Variants in BEND4 observed in about 807,000 individuals in gnomAD.
BEND4 encodes BEN domain containing 4.
A neutral mutation model predicts 54.7 loss-of-function variants in BEND4; 27 were observed. The observed-to-expected ratio is 0.49, with a 90% confidence interval of 0.36 to 0.68. The LOEUF is 0.68. Among genes scored for constraint, BEND4 ranks in the 30% least tolerant of loss-of-function variants. BEND4 has a pLI of 0.00. For missense variants in BEND4, 702 were observed against 697.2 expected, an observed-to-expected ratio of 1.01 and a Z score of -0.08; for synonymous variants, 327 against 299.5, an observed-to-expected ratio of 1.09 and a Z score of -0.95.
intron 3 of BEND4, among the ~76,000 whole-genome samples, chr4:42,131,980 C>T (rs1720522845): frequency 6.6e-6 from 1 of 151,930 alleles, no homozygotes; most frequent in African/African-American, 2.4e-5. Context: ...CCTAGATTTA[C>T]ACAGGGAAGC....
intron 3 of BEND4, among the ~76,000 whole-genome samples, chr4:42,132,821 CATTT>C (rs1161952137): frequency 6.6e-6 from 1 of 152,078 alleles, no homozygotes; most frequent in African/African-American, 2.4e-5. Context: ...TTTACTCATT[CATTT>C]GTCCATTCTA....
At chr4:42,149,608 C>T (rs975403270) in intron 2 of BEND4, among the ~76,000 whole-genome samples, 2 of 152,164 alleles carry the variant, frequency 1.3e-5, no homozygotes, top group African/African-American at 2.4e-5. Context: ...AGCCCCTCTT[C>T]ACTCCTTTAG....
rs951027786 is a variant in BEND4 at position 42,111,287 on chromosome 4, T to C, written c.*6231A>G. On this transcript the variant is annotated 3_prime_UTR_variant, in exon 6 of 6. Transcript: ENST00000502486. ...AGTACAATCAAATAGAAATTATTCATAGAGAATCAACAAGACTCCAACAAT... is the reference window on the plus strand; with the variant it reads ...AGTACAATCAAATAGAAATTATTCACAGAGAATCAACAAGACTCCAACAAT... 7 of 152,314 alleles carry C rather than the reference T, an allele frequency of 4.6e-5. No homozygotes were observed. The highest frequency in any genetic ancestry group is 7.4e-5 in the Non-Finnish European group (5 of 68,026). The allele number at this position is 152,314 out of a possible 1,614,324, so 9.4% of individuals were successfully genotyped here.
At position 42,117,430 on chromosome 4, in the gene BEND4, G is replaced by A. The variant is rs1275336375; in HGVS notation, c.*88C>T. ...ATGTGTAGACTATGGCAGAATGACA[G>A]GCTTTGGACTCTCAGGTGACAGGAA... On this transcript the variant is annotated 3_prime_UTR_variant, in exon 6 of 6. Coordinates refer to ENST00000502486, the MANE Select transcript of BEND4 (RefSeq NM_207406.4). 2.9e-5 allele frequency: 26 copies of A among 894,174 alleles called. No individual in the cohort carries two copies. The East Asian group carries it at 5.8e-4, about 20-fold the overall frequency. 55.4% of individuals were successfully genotyped at this position (894,174 alleles called of 1,614,324 possible).
chr4:42,144,641 G>A (rs974076600), intron 2 of BEND4, among the ~76,000 whole-genome samples: 5 of 152,144 alleles, frequency 3.3e-5, no homozygotes, highest in African/African-American at 1.2e-4. Context: ...TGGACTTCTT[G>A]TCAAGGCCAA....
chr4:42,132,055 C>T (rs75206010), intron 3 of BEND4, among the ~76,000 whole-genome samples: 1,857 of 152,258 alleles, frequency 0.012, 12 homozygotes, highest in Middle Eastern at 0.02. Context: ...GAGACAGGTG[C>T]GTCTAGAAAA....
intron 3 of BEND4, among the ~76,000 whole-genome samples, chr4:42,139,204 A>C (rs1720799881): frequency 6.6e-6 from 1 of 152,204 alleles, no homozygotes; most frequent in Non-Finnish European, 1.5e-5. Flanking sequence ...TTTAACTTCT[A>C]AACAGACTTT....
intron 5 of BEND4, among the ~76,000 whole-genome samples, chr4:42,118,814 A>C (rs1033579712): frequency 6.6e-6 from 1 of 152,180 alleles, no homozygotes; most frequent in Non-Finnish European, 1.5e-5. Context: ...GTCAGGGAAT[A>C]CAGAAAACTA....
chr4:42,137,989 T>C (rs1405928947), intron 3 of BEND4, among the ~76,000 whole-genome samples: 3 of 152,122 alleles, frequency 2.0e-5, no homozygotes, highest in African/African-American at 7.2e-5. Context: ...TTGTACACCA[T>C]TGGTGGGAAT....
Position 42,151,970 on chromosome 4 carries a change from G to A in BEND4, c.174C>T (p.Pro58=), listed in dbSNP as rs996842327. ...CGGCGTGCGGCGCGAAGGGCGGCGG[G>A]GGCGGCGGGGGCGCCCGCACGTGCG... The part of the protein sequence containing the change: ...ELPHVRAPPP[P]PPPFAPHAAV... Residue 58 remains proline, a synonymous_variant, in exon 2 of 6, where the codon CCC becomes CCT. Coordinates refer to ENST00000502486, the MANE Select transcript of BEND4 (RefSeq NM_207406.4). 6 of 1,250,894 alleles carry A rather than the reference G, an allele frequency of 4.8e-6. No individual in the cohort carries two copies. Among genetic ancestry groups the A allele is most frequent in the African/African-American group, 3.1e-5 (2 of 64,066 alleles). 77.5% of individuals were successfully genotyped at this position (1,250,894 alleles called of 1,614,324 possible).
chr4:42,139,100 T>C (rs1720796636), intron 3 of BEND4, among the ~76,000 whole-genome samples: 1 of 152,204 alleles, frequency 6.6e-6, no homozygotes, highest in Non-Finnish European at 1.5e-5. Flanking sequence ...ACTATTTTCC[T>C]TCTTTTAAAA....
At position 42,116,240 on chromosome 4, in the gene BEND4, G is replaced by A. The variant is rs1385814703; in HGVS notation, c.*1278C>T. 6.6e-6 allele frequency: 1 copy of A among 152,192 alleles called. No homozygotes were observed. Among genetic ancestry groups the A allele is most frequent in the African/African-American group, 2.4e-5 (1 of 41,460 alleles). The allele number at this position is 152,192 out of a possible 1,614,324, so 9.4% of individuals were successfully genotyped here. On this transcript the variant is annotated 3_prime_UTR_variant, in exon 6 of 6. Transcript: ENST00000502486. ...TCCATTTAGCCCTTTGCTCTACAAA[G>A]AATGTAGTAATCTGGACTAGTTTGG...
chr4:42,122,288 A>C (rs1000669986), intron 4 of BEND4, among the ~76,000 whole-genome samples: 22 of 152,276 alleles, frequency 1.4e-4, no homozygotes, highest in African/African-American at 4.6e-4. Context: ...CTTTGTGTTA[A>C]AATACAGATG....
At chr4:42,123,694 G>GAAA (rs71664396) in intron 4 of BEND4, among the ~76,000 whole-genome samples, 1,465 of 44,628 alleles carry the variant, frequency 0.033, 10 homozygotes, top group East Asian at 0.053. Flanking sequence ...CTGTAATTCA[G>GAAA]AAAAAAAAAA....
chr4:42,151,292 C>G (rs573524031), intron 2 of BEND4: 18 of 193,598 alleles, frequency 9.3e-5, no homozygotes, highest in Non-Finnish European at 1.4e-4. Flanking sequence ...GGCGTCCCAG[C>G]GGGGCGGCCC....
chr4:42,140,085 GGT>G (rs1274151600), intron 3 of BEND4, among the ~76,000 whole-genome samples: 1 of 152,180 alleles, frequency 6.6e-6, no homozygotes, highest in Non-Finnish European at 1.5e-5. Flanking sequence ...GGCATTGAGA[GGT>G]AAGGGCAAGA....
intron 3 of BEND4, among the ~76,000 whole-genome samples, chr4:42,142,518 A>G (rs1720924214): frequency 6.6e-6 from 1 of 151,190 alleles, no homozygotes; most frequent in Non-Finnish European, 1.5e-5. Context: ...CTGTAATCCC[A>G]GCTACTCGGG....
chr4:42,151,727 G>T lies in BEND4; in HGVS notation c.417C>A (p.Gly139=). ...TGCCGGCGGCCGCCGCCGCGCCTGG[G>T]CCATACCTGACGACAGCGGCGAACG... ...SSSFAAVVRY[G]PGAAAAAGTG... The change falls in exon 2 of 6, where the codon GGC becomes GGA. Residue 139 remains glycine (G), a synonymous_variant. Coordinates refer to ENST00000502486, the MANE Select transcript of BEND4 (RefSeq NM_207406.4). The T allele has an allele frequency of 6.6e-7, 1 of 1,505,458 alleles. No individual in the cohort carries two copies. Among genetic ancestry groups the T allele is most frequent in the Admixed American group, 2.1e-5 (1 of 46,536 alleles). 93.3% of individuals were successfully genotyped at this position (1,505,458 alleles called of 1,614,324 possible). A position where few individuals can be genotyped will look rare whatever the true frequency, so the allele number is the denominator to read the frequency against.
chr4:42,130,718 T>A (rs772542121), intron 3 of BEND4, among the ~76,000 whole-genome samples: 4 of 152,158 alleles, frequency 2.6e-5, no homozygotes, highest in Non-Finnish European at 5.9e-5. Context: ...ACTGGGTATA[T>A]ACCCAAAGGA....
Sources: gnomAD v4.1 joint callset for allele counts (sites outside exome capture counted in the v4.1 genomes callset) on GRCh38, gnomAD v4.1.1 for gene constraint, MANE v1.5 for transcripts, NCBI Gene and HGNC (gene_info 2026-07-23, HGNC 2026-07-21) for gene names.